RYR1: variants seen among roughly 807,000 people sequenced by gnomAD.
The protein encoded by RYR1 is central core disease of muscle.
RYR1 carries 342 observed loss-of-function variants against 583.5 expected under a neutral mutation model. That is an observed-to-expected ratio of 0.59 (90% CI 0.54 to 0.64). The LOEUF is 0.64. Among genes scored for constraint, RYR1 ranks in the 30% least tolerant of loss-of-function variants. The pLI is 0.00. For missense variants in RYR1, 6,032 were observed against 6,917.2 expected, an observed-to-expected ratio of 0.87 and a Z score of 4.54; for synonymous variants, 2,791 against 2,822.5, an observed-to-expected ratio of 0.99 and a Z score of 0.35.
Position 38,505,076 on chromosome 19 carries a change from G to A in RYR1, c.8305G>A (p.Asp2769Asn), listed in dbSNP as rs566495420. Residue 2769 changes from aspartate (D) to asparagine (N), a missense_variant, in exon 52 of 106, where the codon GAC becomes AAC. Asp to Asn is a conservative substitution (Grantham distance 23). Transcript: ENST00000359596. ...GTACACACACGAGAAGTGGGCCTTC[G>A]ACAAGGTTGGCCTCAGGGTCCTCCT... Reference protein sequence around the residue: ...AEYTHEKWAFDKIQNNWSYGE... With the variant: ...AEYTHEKWAFNKIQNNWSYGE... The A allele has an allele frequency of 3.2e-5, 51 of 1,614,008 alleles. No individual in the cohort carries two copies. The East Asian group carries it at 8.7e-4, about 27-fold the overall frequency.
Position 38,433,808 on chromosome 19 carries a change from C to T in RYR1, c.-22C>T, listed in dbSNP as rs773796522. The stretch of plus-strand genomic sequence containing the variant: ...TCCCTCTGTTCCCCGACCTCAGACC[C>T]TGGGCTTCCGACCTCGACATCATGG... On this transcript the variant is annotated 5_prime_UTR_variant, in exon 1 of 106. Transcript: ENST00000359596. 2 of 1,607,938 alleles carry T rather than the reference C, an allele frequency of 1.2e-6. No homozygotes were observed. Among genetic ancestry groups the T allele is most frequent in the Admixed American group, 3.3e-5 (2 of 59,906 alleles).
chr19:38,529,647 T>A (rs2145727027), intron 76 of RYR1, among the ~76,000 whole-genome samples: 1 of 152,200 alleles, frequency 6.6e-6, no homozygotes, highest in South Asian at 2.1e-4. Flanking sequence ...TCAAATAAAA[T>A]CAGTATATTA....
rs770151836 is a variant in RYR1, at chr19:38,506,958, C to A, written c.8816+6C>A. 6.2e-7 allele frequency: 1 copy of A among 1,612,232 alleles called. No individual in the cohort carries two copies. The highest frequency in any genetic ancestry group is 8.5e-7 in the Non-Finnish European group (1 of 1,179,990). On this transcript the variant is annotated splice_donor_region_variant and intron_variant, in intron 57 of 105. Coordinates refer to ENST00000359596, the MANE Select transcript of RYR1 (RefSeq NM_000540.3). Reference sequence around the variant, plus strand: ...AATGGCTACGCGGTTACAAGGCACGCGGGTTGGGGCTCCCGCGGAAGAGCA... The same window carrying A: ...AATGGCTACGCGGTTACAAGGCACGAGGGTTGGGGCTCCCGCGGAAGAGCA...
At position 38,561,292 on chromosome 19, in the gene RYR1, G is replaced by T. The variant is rs752478710; in HGVS notation, c.12462G>T (p.Pro4154=). The T allele has an allele frequency of 1.2e-6, 2 of 1,613,950 alleles. No individual in the cohort carries two copies. Among genetic ancestry groups the T allele is most frequent in the Admixed American group, 1.7e-5 (1 of 60,022 alleles). The part of the protein sequence containing the change: ...VLLTNLSEHV[P]HDPRLHNFLE... Reference sequence around the variant, plus strand: ...TGACCAACCTGTCGGAGCATGTGCCGCATGACCCTCGCCTGCACAACTTCC... The same window carrying T: ...TGACCAACCTGTCGGAGCATGTGCCTCATGACCCTCGCCTGCACAACTTCC... The change falls in exon 90 of 106, where the codon CCG becomes CCT. Residue 4154 remains proline (P), a synonymous_variant. Transcript: ENST00000359596. The surrounding 1 kb of genome is among the most constrained non-coding windows in gnomAD (Gnocchi z 4.8).
rs1416139010 is a variant in RYR1, at chr19:38,571,751, ATAT to A, written c.13747-265_13747-263del. On this transcript the variant is annotated intron_variant, in intron 94 of 105. Coordinates refer to ENST00000359596, the MANE Select transcript of RYR1 (RefSeq NM_000540.3). ...GCTACTAATTTTCATGTTAGTGTTA[ATAT>A]TAGTGGGCAGTCTCTTTAGGGCTCC... 7.9e-5 allele frequency among the ~76,000 whole-genome samples: 12 copies of A among 152,324 alleles called. No homozygotes were observed. In the East Asian group the frequency reaches 1.2e-3, roughly 15 times the overall value.
intron 93 of RYR1, among the ~76,000 whole-genome samples, chr19:38,568,581 CAA>C (rs59369147): frequency 0.013 from 828 of 64,876 alleles, 8 homozygotes; most frequent in African/African-American, 0.033. Flanking sequence ...ACTAAAAATA[CAA>C]AAAAAAAAAA....
chr19:38,489,076 T>C, intron 34 of RYR1, 101 bp from the exon 35 acceptor site: 1 of 1,018,482 alleles, frequency 9.8e-7, no homozygotes, highest in Admixed American at 1.7e-5. Context: ...AATGCAGGAA[T>C]GATTGGCATG....
In RYR1 at chr19:38,535,158, G is replaced by A; in HGVS notation, c.11377G>A (p.Val3793Met). 6.2e-7 allele frequency: 1 copy of A among 1,613,944 alleles called. No homozygotes were observed. The highest frequency in any genetic ancestry group is 8.5e-7 in the Non-Finnish European group (1 of 1,180,020). Residue 3793 changes from valine to methionine, a missense_variant, in exon 80 of 106, where the codon GTG (valine) becomes ATG (methionine). Physicochemically the swap from Val to Met is conservative, Grantham distance 21 (BLOSUM62 1). This residue lies in a region of RYR1 where 1,493 missense variants were observed against 1,715.5 expected (regional missense o/e 0.87). Transcript: ENST00000359596. ...SACKGETGAM[V>M]SSTLKLGISI... The stretch of plus-strand genomic sequence containing the variant: ...CCCTCCAGGAGAGACAGGTGCCATG[G>A]TGTCCTCCACCCTGAAGCTGGGCAT...
Position 38,517,624 on chromosome 19 carries a change from G to T in RYR1, c.9951G>T (p.Gly3317=). The change falls in exon 66 of 106, where the codon GGG becomes GGT. Residue 3317 remains glycine (G), a synonymous_variant. Transcript: ENST00000359596. ...VTSDHLNSLL[G]NILRIIVNNL... is the part of the protein sequence containing the mutation. ...CTGACCACCTCAACTCCCTGCTGGG[G>T]AATATCCTGAGAATCATCGTCAACA... 3 of 1,614,192 alleles carry T rather than the reference G, an allele frequency of 1.9e-6. No homozygotes were observed. Among genetic ancestry groups the T allele is most frequent in the Non-Finnish European group, 2.5e-6 (3 of 1,180,040 alleles).
chr19:38,438,224 C>T (rs1972509769), intron 1 of RYR1, among the ~76,000 whole-genome samples: 1 of 151,826 alleles, frequency 6.6e-6, no homozygotes, highest in Non-Finnish European at 1.5e-5. Flanking sequence ...GAGGCTGTCA[C>T]TTCACTCCCT....
Position 38,496,284 on chromosome 19 carries a change from G to A in RYR1, c.6618G>A (p.Thr2206=), listed in dbSNP as rs370261565. The change falls in exon 40 of 106, where the codon ACG becomes ACA. Residue 2206 remains threonine (T), a synonymous_variant. Transcript: ENST00000359596. This position sits in a 1 kb window ranked among gnomAD's most constrained non-coding sequence, Gnocchi z 4.8. ...NLMRALGMHE[T]VMEVMVNVLG... ...TGAGGGCGCTGGGCATGCACGAGAC[G>A]GTCATGGAGGTCATGGTCAACGTCC... The A allele has an allele frequency of 1.7e-5, 27 of 1,613,888 alleles. No individual in the cohort carries two copies. Among genetic ancestry groups the A allele is most frequent in the Non-Finnish European group, 2.0e-5 (24 of 1,180,040 alleles).
intron 66 of RYR1, 51 bp downstream of exon 66, chr19:38,517,742 C>T: frequency 6.4e-7 from 1 of 1,557,870 alleles, no homozygotes; most frequent in Non-Finnish European, 8.9e-7. Flanking sequence ...AGCCTGGGCT[C>T]CCTTGGCAGA....
rs1250529914 is a variant in RYR1, at chr19:38,586,172, C to A, written c.14950C>A (p.His4984Asn). Reference protein sequence around the residue: ...HGFETHTLEEHNLANYMFFLM... With the variant: ...HGFETHTLEENNLANYMFFLM... ...CTTCGAGACTCACACGCTGGAGGAG[C>A]ACAACCTGGCCAATTACATGTGAGC... The change falls in exon 104 of 106, where the codon CAC becomes AAC. Residue 4984 changes from histidine (H) to asparagine (N), a missense_variant. By Grantham distance (68) the His-to-Asn change is moderately conservative. Coordinates refer to ENST00000359596, the MANE Select transcript of RYR1 (RefSeq NM_000540.3). 1 of 1,613,852 alleles carries A rather than the reference C, an allele frequency of 6.2e-7. No individual in the cohort carries two copies. Among genetic ancestry groups the A allele is most frequent in the Non-Finnish European group, 8.5e-7 (1 of 1,179,984 alleles).
chr19:38,476,692 C>T (rs912564284), intron 29 of RYR1, among the ~76,000 whole-genome samples: 1 of 152,154 alleles, frequency 6.6e-6, no homozygotes, highest in African/African-American at 2.4e-5. Flanking sequence ...CAGCCCACAG[C>T]CTGGGGTTGG....
chr19:38,458,482 G>A (rs760601283), intron 18 of RYR1, among the ~76,000 whole-genome samples, 190 bp downstream of exon 18: 13 of 152,018 alleles, frequency 8.6e-5, no homozygotes, highest in Non-Finnish European at 2.9e-5. Context: ...TTGTATCCTC[G>A]TTACCTACAG....
intron 25 of RYR1, among the ~76,000 whole-genome samples, chr19:38,468,574 C>T (rs527477679): frequency 1.3e-5 from 2 of 152,290 alleles, no homozygotes; most frequent in South Asian, 4.1e-4. Context: ...TCTCATTAGC[C>T]ACTCATCTAT....
Position 38,512,529 on chromosome 19 carries a change from C to T in RYR1, c.9472+46C>T. The T allele has an allele frequency of 6.5e-7, 1 of 1,540,730 alleles. No individual in the cohort carries two copies. The highest frequency in any genetic ancestry group is 1.1e-5 in the South Asian group (1 of 89,842). Reference sequence around the variant, plus strand: ...GGCAGGTTGCGGGGAGTCAGTGTGGCCAACACCACCCATCCGGGTGCCTGT... The same window carrying T: ...GGCAGGTTGCGGGGAGTCAGTGTGGTCAACACCACCCATCCGGGTGCCTGT... On this transcript the variant is annotated intron_variant, in intron 63 of 105. Transcript: ENST00000359596. The surrounding 1 kb of genome is among the most constrained non-coding windows in gnomAD (Gnocchi z 5.1).
At chr19:38,477,985 C>A in intron 30 of RYR1, 115 bp downstream of exon 30, 5 of 1,082,696 alleles carry the variant, frequency 4.6e-6, no homozygotes, top group South Asian at 1.4e-5. Context: ...CTTTCTGGAG[C>A]GGGAGGATTC....
chr19:38,515,757 A>G (rs542469384), intron 64 of RYR1, among the ~76,000 whole-genome samples: 1 of 152,202 alleles, frequency 6.6e-6, no homozygotes, highest in East Asian at 1.9e-4. Context: ...GCATAGGGAG[A>G]CTGCATCTCT....
Sources: gnomAD v4.1 joint callset for allele counts (sites outside exome capture counted in the v4.1 genomes callset) on GRCh38, gnomAD v4.1.1 for gene constraint, gnomAD v4.1.1 regional missense constraint, Gnocchi (gnomAD v3.1) non-coding constraint, MANE v1.5 for transcripts, NCBI Gene and HGNC (gene_info 2026-07-23, HGNC 2026-07-21) for gene names.